Variants in KCNQ3 observed in about 807,000 individuals in gnomAD.
KCNQ3 encodes potassium voltage-gated channel subfamily Q member 3.
Under a neutral mutation model 92.5 loss-of-function variants are expected in KCNQ3, and 30 were observed. The observed-to-expected ratio is 0.32, with a 90% CI of 0.24 to 0.44. The LOEUF (loss-of-function observed/expected upper bound fraction) is 0.44, where lower values mean the gene tolerates loss of function less well. KCNQ3 is among the 20% of genes least tolerant of loss of function. KCNQ3 has a pLI of 1.00. For synonymous variants in KCNQ3, 450 were observed against 468.8 expected (o/e 0.96, Z 0.52); for missense variants, 913 against 1,140.3 (o/e 0.80, Z 2.87).
At chr8:132,363,760 T>C (rs934965752) in intron 1 of KCNQ3, among the ~76,000 whole-genome samples, 3 of 151,634 alleles carry the variant, frequency 2.0e-5, no homozygotes, top group African/African-American at 4.8e-5. Context: ...CCAAGTTCCA[T>C]TGGAACTCCT....
At chr8:132,333,042 T>C (rs1818272549) in intron 1 of KCNQ3, among the ~76,000 whole-genome samples, 1 of 150,780 alleles carries the variant, frequency 6.6e-6, no homozygotes, top group Non-Finnish European at 1.5e-5. Flanking sequence ...GATGGATGGA[T>C]GGATGGATGG....
At chr8:132,154,193 GTTTTTTTTTTT>G (rs869112851) in intron 9 of KCNQ3, among the ~76,000 whole-genome samples, 46 of 27,454 alleles carry the variant, frequency 1.7e-3, no homozygotes, top group Non-Finnish European at 2.5e-3. Context: ...AAGGGTAAAA[GTTTTTTTTTTT>G]TTTTTTTTTT....
intron 1 of KCNQ3, among the ~76,000 whole-genome samples, chr8:132,382,665 GC>G (rs1380221087): frequency 1.3e-5 from 2 of 152,188 alleles, no homozygotes; most frequent in Non-Finnish European, 2.9e-5. Context: ...GAGACAGGTG[GC>G]CAGCTCCCAG....
intron 1 of KCNQ3, among the ~76,000 whole-genome samples, chr8:132,215,750 G>C (rs891056142): frequency 6.6e-6 from 1 of 152,238 alleles, no homozygotes; most frequent in African/African-American, 2.4e-5. Context: ...ATGACTGATA[G>C]GTGAGGGTGC....
At chr8:132,374,929 G>T (rs1393855385) in intron 1 of KCNQ3, among the ~76,000 whole-genome samples, 1 of 152,096 alleles carries the variant, frequency 6.6e-6, no homozygotes, top group African/African-American at 2.4e-5. Flanking sequence ...ATCTGTCATT[G>T]ATGGGCATTT....
rs899613728 is a variant in KCNQ3, at chr8:132,134,170, C to A, written c.1799+120G>T. ...TGAAACAAGCTTCAAACTCTTTCTT[C>A]ATTTTACTTAGGAGAGTGACAACTT... On this transcript the variant is annotated intron_variant, in intron 13 of 14. Transcript: ENST00000388996. The A allele has an allele frequency of 6.3e-5, 49 of 778,054 alleles. No homozygotes were observed. The African/African-American group carries it at 7.7e-4, about 12-fold the overall frequency. 48.2% of individuals were successfully genotyped at this position (778,054 alleles called of 1,614,324 possible).
intron 7 of KCNQ3, among the ~76,000 whole-genome samples, chr8:132,172,169 G>A (rs951209192): frequency 6.6e-6 from 1 of 151,876 alleles, no homozygotes; most frequent in East Asian, 1.9e-4. Context: ...CTGGACAAGA[G>A]AGTCTCAAAA....
At chr8:132,437,411 T>C (rs976922277) in intron 1 of KCNQ3, among the ~76,000 whole-genome samples, 1 of 152,228 alleles carries the variant, frequency 6.6e-6, no homozygotes, top group Non-Finnish European at 1.5e-5. Flanking sequence ...AAATATGAGA[T>C]GGGGACAGTG....
At chr8:132,239,427 C>T (rs1244109154) in intron 1 of KCNQ3, among the ~76,000 whole-genome samples, 2 of 152,188 alleles carry the variant, frequency 1.3e-5, no homozygotes, top group Non-Finnish European at 2.9e-5. Flanking sequence ...AATTAAAGTG[C>T]ATTTCATGAC....
At chr8:132,318,246 T>A (rs1335872223) in intron 1 of KCNQ3, among the ~76,000 whole-genome samples, 1 of 152,250 alleles carries the variant, frequency 6.6e-6, no homozygotes, top group African/African-American at 2.4e-5. Flanking sequence ...GAAAAGAAAA[T>A]TGATTTAATA....
chr8:132,172,804 G>T, intron 6 of KCNQ3, 111 bp from the exon 7 acceptor site: 7 of 778,176 alleles, frequency 9.0e-6, no homozygotes, highest in Non-Finnish European at 1.6e-5. Context: ...TCAAGTCCTT[G>T]CAGTGACAAC....
intron 1 of KCNQ3, among the ~76,000 whole-genome samples, chr8:132,424,084 G>A (rs981793474): frequency 6.6e-6 from 1 of 152,094 alleles, no homozygotes; most frequent in Admixed American, 6.5e-5. Flanking sequence ...CATCGCTGTG[G>A]CTGACTGGAA....
At chr8:132,143,396 G>A (rs1297368085) in intron 9 of KCNQ3, among the ~76,000 whole-genome samples, 3 of 152,100 alleles carry the variant, frequency 2.0e-5, no homozygotes, top group Admixed American at 6.6e-5. Flanking sequence ...ATGCCTGCCC[G>A]CCCCACTGGA....
At chr8:132,407,116 G>C (rs1820505490) in intron 1 of KCNQ3, among the ~76,000 whole-genome samples, 1 of 152,208 alleles carries the variant, frequency 6.6e-6, no homozygotes, top group Admixed American at 6.5e-5. Flanking sequence ...GGCAGGTCCT[G>C]CCGAGGAAGA....
chr8:132,236,450 A>G (rs933674976), intron 1 of KCNQ3, among the ~76,000 whole-genome samples: 1 of 152,204 alleles, frequency 6.6e-6, no homozygotes, highest in African/African-American at 2.4e-5. Context: ...TGACAATGAA[A>G]AGACAGAGGC....
intron 1 of KCNQ3, among the ~76,000 whole-genome samples, chr8:132,294,247 G>A (rs181059321): frequency 3.6e-4 from 54 of 151,912 alleles, no homozygotes; most frequent in African/African-American, 1.2e-3. Context: ...GTGATCCACC[G>A]GCCTCGGCCT....
At position 132,336,527 on chromosome 8, in the gene KCNQ3, C is replaced by T. The variant is rs571323428; in HGVS notation, c.386+143620G>A. On this transcript the variant is annotated intron_variant, in intron 1 of 14. Transcript: ENST00000388996. Reference sequence around the variant, plus strand: ...TGACCACAAAGAGTAAAAGGCACAGCGGTGTTATAAGGCCCATAAGATGAA... The same window carrying T: ...TGACCACAAAGAGTAAAAGGCACAGTGGTGTTATAAGGCCCATAAGATGAA... Among the ~76,000 whole-genome samples the T allele has an allele frequency of 3.1e-4, 47 of 152,298 alleles. No homozygotes were observed. In the South Asian group the frequency reaches 5.2e-3, roughly 17 times the overall value.
chr8:132,230,439 GAGAGAGAGAC>G (rs1814600675), intron 1 of KCNQ3, among the ~76,000 whole-genome samples: 1 of 127,960 alleles, frequency 7.8e-6, no homozygotes, highest in Non-Finnish European at 1.7e-5. Flanking sequence ...CAGGCAGAGA[GAGAGAGAGAC>G]AGAGAGAGAG....
intron 1 of KCNQ3, among the ~76,000 whole-genome samples, chr8:132,284,683 C>T (rs182726456): frequency 1.2e-4 from 19 of 152,212 alleles, no homozygotes; most frequent in African/African-American, 3.6e-4. Context: ...ATTTACTAGC[C>T]TTAGGATTAG....
Sources: gnomAD v4.1 joint callset for allele counts (sites outside exome capture counted in the v4.1 genomes callset) on GRCh38, gnomAD v4.1.1 for gene constraint, MANE v1.5 for transcripts, NCBI Gene and HGNC (gene_info 2026-07-23, HGNC 2026-07-21) for gene names.